Variants in RIC8B observed in about 807,000 individuals in gnomAD.
RIC8B encodes RIC8 guanine nucleotide exchange factor B.
Under a neutral mutation model 57.5 loss-of-function variants are expected in RIC8B, and 16 were observed. That is an observed-to-expected ratio of 0.28 (90% confidence interval 0.19 to 0.42). RIC8B has a LOEUF of 0.42. RIC8B is among the 10% of genes least tolerant of loss of function. The pLI is 1.00. For synonymous variants in RIC8B, 216 were observed against 250.8 expected, an observed-to-expected ratio of 0.86 and a Z score of 1.31; for missense variants, 481 against 677.0, an observed-to-expected ratio of 0.71 and a Z score of 3.21.
At chr12:106,796,796 C>G (rs1320030763) in intron 2 of RIC8B, among the ~76,000 whole-genome samples, 1 of 152,184 alleles carries the variant, frequency 6.6e-6, no homozygotes, top group Non-Finnish European at 1.5e-5. Flanking sequence ...GATCCTATGT[C>G]TGATAAAAGA....
At chr12:106,808,131 T>C (rs2045143089) in intron 2 of RIC8B, among the ~76,000 whole-genome samples, 1 of 151,008 alleles carries the variant, frequency 6.6e-6, no homozygotes, top group Admixed American at 6.6e-5. Flanking sequence ...AAAACAATGA[T>C]ATAACAGTAA....
chr12:106,794,092 C>T (rs545762551), intron 2 of RIC8B, among the ~76,000 whole-genome samples: 1 of 152,212 alleles, frequency 6.6e-6, no homozygotes, highest in Non-Finnish European at 1.5e-5. Flanking sequence ...ATGGAGAAAT[C>T]AATACAGAGA....
rs780665598 is a variant in RIC8B at position 106,814,785 on chromosome 12, C to T, written c.222C>T (p.Ser74=). The T allele has an allele frequency of 1.2e-5, 20 of 1,614,054 alleles. No homozygotes were observed. Among genetic ancestry groups the T allele is most frequent in the Non-Finnish European group, 1.6e-5 (19 of 1,180,026 alleles). Reference sequence around the variant, plus strand: ...GCCTGGAAGTACTCCGCATTCTCTCCAGAGACAAAAAGGTTTTAGTTCCTG... The same window carrying T: ...GCCTGGAAGTACTCCGCATTCTCTCTAGAGACAAAAAGGTTTTAGTTCCTG... ...VSCLEVLRIL[S]RDKKVLVPVT... Residue 74 remains serine (S), a synonymous_variant, in exon 3 of 10, where the codon TCC becomes TCT. Transcript: ENST00000392837.
At chr12:106,832,835 C>T (rs375262914) in intron 4 of RIC8B, among the ~76,000 whole-genome samples, 1 of 152,242 alleles carries the variant, frequency 6.6e-6, no homozygotes, top group East Asian at 1.9e-4. Context: ...TTCTGCCAAT[C>T]TCAGGAAATT....
intron 4 of RIC8B, among the ~76,000 whole-genome samples, chr12:106,841,745 C>G (rs941770577): frequency 7.2e-5 from 11 of 152,152 alleles, no homozygotes; most frequent in Admixed American, 3.9e-4. Flanking sequence ...AACACCACCA[C>G]TCCTTTTAGA....
Position 106,886,122 on chromosome 12 carries a change from C to G in RIC8B, c.*107C>G, listed in dbSNP as rs1951175864. 3.9e-6 allele frequency: 3 copies of G among 772,606 alleles called. No individual in the cohort carries two copies. 47.9% of individuals were successfully genotyped at this position (772,606 alleles called of 1,614,324 possible). A position where few individuals can be genotyped will look rare whatever the true frequency, so the allele number is the denominator to read the frequency against. On this transcript the variant is annotated 3_prime_UTR_variant, in exon 10 of 10. Transcript: ENST00000392837. ...TTTATGCCCTTGCTTTGGCTAGAAACACATTAACTGGTTTACTCATTGAGA... is the reference window on the plus strand; with the variant it reads ...TTTATGCCCTTGCTTTGGCTAGAAAGACATTAACTGGTTTACTCATTGAGA...
chr12:106,842,489 A>T, intron 4 of RIC8B, 100 bp from the exon 5 acceptor site: 1 of 897,520 alleles, frequency 1.1e-6, no homozygotes, highest in Admixed American at 2.7e-5. Context: ...AAATATTTTA[A>T]TTGACTCTTA....
At chr12:106,863,665 G>A (rs960127033) in intron 8 of RIC8B, among the ~76,000 whole-genome samples, 3 of 152,004 alleles carry the variant, frequency 2.0e-5, no homozygotes, top group Admixed American at 6.6e-5. Flanking sequence ...TAGCATTTCT[G>A]GGAACTAGAA....
intron 2 of RIC8B, 58 bp from the exon 3 acceptor site, chr12:106,814,638 C>G: frequency 6.7e-7 from 1 of 1,502,936 alleles, no homozygotes; most frequent in South Asian, 1.3e-5. Context: ...GAGAAACATT[C>G]TGTGTTAAGT....
intron 3 of RIC8B, among the ~76,000 whole-genome samples, chr12:106,817,160 A>G (rs2045609840): frequency 6.6e-6 from 1 of 152,216 alleles, no homozygotes; most frequent in South Asian, 2.1e-4. Flanking sequence ...GTCAGTGAAT[A>G]TTTATGGTCA....
chr12:106,788,196 G>A (rs1420663889), intron 2 of RIC8B, among the ~76,000 whole-genome samples: 3 of 152,212 alleles, frequency 2.0e-5, no homozygotes, highest in African/African-American at 7.2e-5. Flanking sequence ...TTGACTTCAT[G>A]TCTCACATCT....
At chr12:106,800,624 A>G (rs1263930894) in intron 2 of RIC8B, among the ~76,000 whole-genome samples, 1 of 152,188 alleles carries the variant, frequency 6.6e-6, no homozygotes, top group Non-Finnish European at 1.5e-5. Flanking sequence ...GGGGCATGGG[A>G]CACAAACATA....
In RIC8B at chr12:106,886,248, A is replaced by T; in HGVS notation, c.*233A>T. ...GTTACGGGGGCTAAAAGCAGAAAAA[A>T]AATTCCATTTCATCGGGATGGAACT... On this transcript the variant is annotated 3_prime_UTR_variant, in exon 10 of 10. Coordinates refer to ENST00000392837, the MANE Select transcript of RIC8B (RefSeq NM_001330145.2). The T allele has an allele frequency of 2.3e-6, 1 of 440,124 alleles. No homozygotes were observed. Among genetic ancestry groups the T allele is most frequent in the Non-Finnish European group, 4.0e-6 (1 of 248,218 alleles). The allele number at this position is 440,124 out of a possible 1,614,324, so 27.3% of individuals were successfully genotyped here.
intron 2 of RIC8B, among the ~76,000 whole-genome samples, chr12:106,784,688 G>A (rs1171212640): frequency 6.6e-6 from 1 of 152,118 alleles, no homozygotes; most frequent in Non-Finnish European, 1.5e-5. Context: ...GCTGTACTCC[G>A]TACATCTATC....
intron 2 of RIC8B, among the ~76,000 whole-genome samples, chr12:106,810,918 C>T (rs948028570): frequency 3.9e-5 from 6 of 152,176 alleles, no homozygotes; most frequent in Non-Finnish European, 7.4e-5. Context: ...AGACAAGTAA[C>T]TTGCCAAGGC....
At chr12:106,792,830 A>G (rs2136199791) in intron 2 of RIC8B, among the ~76,000 whole-genome samples, 1 of 152,292 alleles carries the variant, frequency 6.6e-6, no homozygotes, top group African/African-American at 2.4e-5. Context: ...GGAAAGTGAA[A>G]GTCTGTGTTA....
chr12:106,792,669 G>T (rs574862098), intron 2 of RIC8B, among the ~76,000 whole-genome samples: 1 of 152,292 alleles, frequency 6.6e-6, no homozygotes, highest in East Asian at 1.9e-4. Context: ...CGGATGCTGT[G>T]TCTCACTCTT....
At chr12:106,826,206 T>A (rs2046093086) in intron 4 of RIC8B, among the ~76,000 whole-genome samples, 1 of 152,170 alleles carries the variant, frequency 6.6e-6, no homozygotes, top group Non-Finnish European at 1.5e-5. Flanking sequence ...CATTATAAGG[T>A]AGATTCTGCA....
chr12:106,852,982 A>G (rs1234632738), intron 7 of RIC8B, among the ~76,000 whole-genome samples: 1 of 152,232 alleles, frequency 6.6e-6, no homozygotes, highest in African/African-American at 2.4e-5. Context: ...AAAATCACAC[A>G]TATGTGTATC....
Sources: allele counts gnomAD v4.1 joint callset (sites outside exome capture counted in the v4.1 genomes callset), GRCh38; gene constraint gnomAD v4.1.1; transcripts MANE v1.5; gene names NCBI Gene and HGNC (gene_info 2026-07-23, HGNC 2026-07-21).